KDM4C: variants seen among roughly 807,000 people sequenced by gnomAD.
The protein encoded by KDM4C is lysine-specific demethylase 4C.
KDM4C carries 81 observed loss-of-function variants against 129.3 expected under a neutral mutation model. The observed-to-expected ratio is 0.63, with a 90% CI of 0.52 to 0.75. The LOEUF (loss-of-function observed/expected upper bound fraction) is 0.75. Ranked by LOEUF, KDM4C falls within the 30% of genes least tolerant of loss-of-function variation. The pLI is 0.00. For synonymous variants in KDM4C, 573 were observed against 456.1 expected (o/e 1.26, Z -3.26); for missense variants, 1,457 against 1,304.0 (o/e 1.12, Z -1.81).
chr9:6,797,860 C>G (rs1828045097), intron 2 of KDM4C, among the ~76,000 whole-genome samples: 1 of 152,208 alleles, frequency 6.6e-6, no homozygotes, highest in South Asian at 2.1e-4. Context: ...AGGGGCCAGG[C>G]TGGGTTTGTG....
chr9:7,141,858 G>T (rs1265834389), intron 19 of KDM4C, among the ~76,000 whole-genome samples: 2 of 151,388 alleles, frequency 1.3e-5, no homozygotes, highest in African/African-American at 4.9e-5. Context: ...AAAGTCCCAT[G>T]CCTCAATGTG....
At chr9:6,778,561 G>A (rs1186096258) in intron 1 of KDM4C, among the ~76,000 whole-genome samples, 2 of 147,360 alleles carry the variant, frequency 1.4e-5, no homozygotes, top group Non-Finnish European at 3.0e-5. Flanking sequence ...AAGGTCAGGA[G>A]TTTGAGACCA....
intron 2 of KDM4C, among the ~76,000 whole-genome samples, chr9:6,801,938 C>G (rs149330725): frequency 0.032 from 4,801 of 151,906 alleles, 230 homozygotes; most frequent in African/African-American, 0.11. Flanking sequence ...AACCCTGTCT[C>G]TACAAAAATA....
chr9:6,887,392 G>GTTC, intron 6 of KDM4C, among the ~76,000 whole-genome samples: 1 of 152,312 alleles, frequency 6.6e-6, no homozygotes, highest in African/African-American at 2.4e-5. Flanking sequence ...CATTCAGGCT[G>GTTC]TTCAGGCAGG....
intron 1 of KDM4C, among the ~76,000 whole-genome samples, chr9:6,760,445 G>GTATATATA (rs60954996): frequency 0.09 from 12,852 of 142,362 alleles, 772 homozygotes; most frequent in South Asian, 0.18. Context: ...CTACTCTTGG[G>GTATATATA]TATATATATA....
At chr9:6,919,855 G>A (rs1402463971) in intron 8 of KDM4C, among the ~76,000 whole-genome samples, 1 of 152,042 alleles carries the variant, frequency 6.6e-6, no homozygotes, top group African/African-American at 2.4e-5. Flanking sequence ...GATTATAGGT[G>A]TGAGCCACTG....
intron 17 of KDM4C, among the ~76,000 whole-genome samples, chr9:7,089,732 G>T (rs1032278091): frequency 6.6e-6 from 1 of 152,324 alleles, no homozygotes. Flanking sequence ...GTCACTGCAT[G>T]TAATTCCCAA....
chr9:6,953,556 A>T (rs759318301), intron 8 of KDM4C, among the ~76,000 whole-genome samples: 1 of 152,206 alleles, frequency 6.6e-6, no homozygotes, highest in African/African-American at 2.4e-5. Context: ...ATTGATTTTG[A>T]TAGCTCATTT....
At chr9:6,954,119 C>A (rs970971607) in intron 8 of KDM4C, among the ~76,000 whole-genome samples, 9 of 152,170 alleles carry the variant, frequency 5.9e-5, no homozygotes, top group South Asian at 2.1e-4. Context: ...AGTATACATT[C>A]TCAGGTGAAT....
chr9:6,868,781 T>C (rs1475849361), intron 5 of KDM4C, among the ~76,000 whole-genome samples: 1 of 152,128 alleles, frequency 6.6e-6, no homozygotes, highest in African/African-American at 2.4e-5. Context: ...GAAAAGTCGC[T>C]TTACTACTGC....
intron 21 of KDM4C, among the ~76,000 whole-genome samples, chr9:7,172,930 G>A (rs1207581544): frequency 1.3e-5 from 2 of 152,262 alleles, no homozygotes; most frequent in Non-Finnish European, 2.9e-5. Flanking sequence ...TAGGAGGCAA[G>A]ATAGTAGGGA....
At chr9:7,165,123 A>G in intron 19 of KDM4C, 115 bp from the exon 20 acceptor site, 5 of 1,270,966 alleles carry the variant, frequency 3.9e-6, no homozygotes, top group Admixed American at 2.2e-5. Context: ...ATCATAATCC[A>G]TAAAACACAG....
intron 5 of KDM4C, among the ~76,000 whole-genome samples, chr9:6,854,264 C>G (rs1413567702): frequency 2.0e-5 from 3 of 152,152 alleles, no homozygotes; most frequent in East Asian, 3.9e-4. Flanking sequence ...TGCGGTGGCT[C>G]ACGCCTGTAA....
intron 4 of KDM4C, chr9:6,835,107 T>G (rs1169497778): frequency 3.0e-6 from 3 of 1,006,790 alleles, no homozygotes; most frequent in Non-Finnish European, 4.8e-6. Flanking sequence ...TGTGCTATGT[T>G]GCTCTGGCCT....
Position 6,814,644 on chromosome 9 carries a change from A to G in KDM4C, c.334A>G (p.Arg112Gly), listed in dbSNP as rs1427222958. The stretch of plus-strand genomic sequence containing the variant: ...TACCTTTTACAGATATTGTACTCCA[A>G]GATACTTGGATTACGAAGATTTGGA... ...LANSGKYCTP[R>G]YLDYEDLERK... Residue 112 changes from arginine (R) to glycine (G), a missense_variant, in exon 4 of 22, where the codon AGA becomes GGA. Physicochemically the swap from Arg to Gly is moderately radical, Grantham distance 125. Coordinates refer to ENST00000381309, the MANE Select transcript of KDM4C (RefSeq NM_015061.6). 1.2e-6 allele frequency: 2 copies of G among 1,603,402 alleles called. No individual in the cohort carries two copies. Among genetic ancestry groups the G allele is most frequent in the African/African-American group, 2.7e-5 (2 of 74,610 alleles).
At chr9:7,079,676 G>C (rs1834311396) in intron 17 of KDM4C, among the ~76,000 whole-genome samples, 2 of 152,078 alleles carry the variant, frequency 1.3e-5, no homozygotes, top group African/African-American at 4.8e-5. Flanking sequence ...TCTATAAATG[G>C]CACTTACACT....
intron 12 of KDM4C, among the ~76,000 whole-genome samples, chr9:6,995,037 T>C (rs1237464565): frequency 1.4e-5 from 2 of 145,710 alleles, no homozygotes; most frequent in African/African-American, 2.6e-5. Context: ...TTGTACAGGC[T>C]ACGGTGGTCC....
intron 1 of KDM4C, among the ~76,000 whole-genome samples, chr9:6,788,992 C>G (rs562595738): frequency 6.6e-6 from 1 of 151,290 alleles, no homozygotes; most frequent in South Asian, 2.1e-4. Context: ...ACAGTGCAGA[C>G]AGTGATGATG....
At chr9:6,988,294 G>T in intron 11 of KDM4C, among the ~76,000 whole-genome samples, 1 of 151,778 alleles carries the variant, frequency 6.6e-6, no homozygotes, top group East Asian at 1.9e-4. Flanking sequence ...TATTTTTAGC[G>T]ACCTTCTTTA....
Sources: allele counts gnomAD v4.1 joint callset (sites outside exome capture counted in the v4.1 genomes callset), GRCh38; gene constraint gnomAD v4.1.1; transcripts MANE v1.5; gene names NCBI Gene and HGNC (gene_info 2026-07-23, HGNC 2026-07-21).